The following MYOM1 variants were observed in gnomAD, a reference collection of about 807,000 sequenced individuals.
MYOM1 encodes myomesin-1.
MYOM1 carries 164 observed loss-of-function variants against 205.3 expected under a neutral mutation model. That is an observed-to-expected ratio of 0.80 (90% CI 0.70 to 0.91). The LOEUF is 0.91. Ranked by LOEUF, MYOM1 falls within the 40% of genes least tolerant of loss-of-function variation. MYOM1 has a pLI of 0.00. For missense variants in MYOM1, 2,011 were observed against 2,127.3 expected, an observed-to-expected ratio of 0.95 and a Z score of 1.08; for synonymous variants, 772 against 789.4, an observed-to-expected ratio of 0.98 and a Z score of 0.37.
intron 9 of MYOM1, among the ~76,000 whole-genome samples, chr18:3,165,732 G>A (rs1202487271): frequency 1.3e-5 from 2 of 152,146 alleles, no homozygotes; most frequent in African/African-American, 4.8e-5. Context: ...TGAGTTCTGG[G>A]GAAGGCCAGG....
chr18:3,131,131 A>G (rs976911571), intron 17 of MYOM1, among the ~76,000 whole-genome samples: 2 of 152,218 alleles, frequency 1.3e-5, no homozygotes, highest in Non-Finnish European at 2.9e-5. Context: ...GAAATATCTG[A>G]GGAAACTTGG....
chr18:3,224,820 T>C (rs2081345832), upstream of MYOM1, among the ~76,000 whole-genome samples: 1 of 151,498 alleles, frequency 6.6e-6, no homozygotes, highest in African/African-American at 2.4e-5. Context: ...CCCACCACCA[T>C]GCCCGGCTAA....
intron 19 of MYOM1, among the ~76,000 whole-genome samples, chr18:3,122,173 G>A (rs1311888135): frequency 7.3e-6 from 1 of 137,424 alleles, no homozygotes; most frequent in Non-Finnish European, 1.6e-5. Context: ...TACAAAATAA[G>A]ATATTAGTTT....
intron 37 of MYOM1, 141 bp from the exon 38 acceptor site, chr18:3,067,696 T>C: frequency 1.2e-6 from 1 of 824,788 alleles, no homozygotes; most frequent in East Asian, 2.7e-5. Context: ...AAAGTAGTTC[T>C]GTGTATGCAC....
intron 2 of MYOM1, among the ~76,000 whole-genome samples, chr18:3,198,666 C>T (rs1162096368): frequency 6.6e-6 from 1 of 151,976 alleles, no homozygotes; most frequent in African/African-American, 2.4e-5. Context: ...CGCCTGTAAT[C>T]CCAGCTACTA....
intron 18 of MYOM1, 82 bp from the exon 19 acceptor site, chr18:3,126,979 T>C: frequency 7.1e-6 from 9 of 1,272,958 alleles, no homozygotes; most frequent in South Asian, 1.4e-5. Context: ...GTGCCACATA[T>C]GAGGGCACTA....
chr18:3,075,618 C>G (rs2143643607), intron 35 of MYOM1, 107 bp downstream of exon 35: 29 of 1,433,762 alleles, frequency 2.0e-5, no homozygotes, highest in Non-Finnish European at 2.6e-5. Context: ...TTCTACTGTA[C>G]TTTCTGAAAT....
the MYOM1 span, chr18:3,247,279 G>C: frequency 6.6e-6 from 1 of 152,260 alleles, no homozygotes; most frequent in Admixed American, 6.5e-5. Context: ...ACTGCACACA[G>C]AGCTAGCATC....
chr18:3,119,030 T>TAA (rs772997335), intron 20 of MYOM1, among the ~76,000 whole-genome samples: 9 of 152,180 alleles, frequency 5.9e-5, no homozygotes, highest in African/African-American at 2.2e-4. Context: ...GTTTAAATCT[T>TAA]AACGGCTTAG....
intron 22 of MYOM1, among the ~76,000 whole-genome samples, chr18:3,103,591 T>C (rs932728849): frequency 3.9e-5 from 6 of 152,164 alleles, no homozygotes; most frequent in Non-Finnish European, 8.8e-5. Context: ...AGGAAAAATA[T>C]ATATAAAATA....
At chr18:3,208,751 GA>G (rs1482661371) in intron 2 of MYOM1, among the ~76,000 whole-genome samples, 3 of 151,992 alleles carry the variant, frequency 2.0e-5, no homozygotes, top group Non-Finnish European at 4.4e-5. Flanking sequence ...TTTATTTAGA[GA>G]AGAAGCAATA....
At chr18:3,153,944 T>G (rs553721906) in intron 11 of MYOM1, among the ~76,000 whole-genome samples, 1 of 152,350 alleles carries the variant, frequency 6.6e-6, no homozygotes, top group African/African-American at 2.4e-5. Context: ...CATGTCATAA[T>G]TAATGTGTAA....
chr18:3,120,049 T>C (rs1000031407), intron 19 of MYOM1, 54 bp from the exon 20 acceptor site: 4 of 1,518,394 alleles, frequency 2.6e-6, no homozygotes. Context: ...GTTTTTTTTT[T>C]TCTACTTGTT....
intron 21 of MYOM1, among the ~76,000 whole-genome samples, chr18:3,115,349 G>A (rs777770835): frequency 6.6e-6 from 1 of 152,140 alleles, no homozygotes; most frequent in Non-Finnish European, 1.5e-5. Context: ...TCTCCTGGAG[G>A]ATATATTTAC....
rs764885157 is a variant in MYOM1 at position 3,126,757 on chromosome 18, C to G, written c.2935G>C (p.Val979Leu). 5.6e-6 allele frequency: 9 copies of G among 1,613,858 alleles called. No homozygotes were observed. Among genetic ancestry groups the G allele is most frequent in the Non-Finnish European group, 7.6e-6 (9 of 1,179,842 alleles). Residue 979 changes from valine to leucine, a missense_variant, in exon 19 of 38, where the codon GTA (valine) becomes CTA (leucine). Coordinates refer to ENST00000356443, the MANE Select transcript of MYOM1 (RefSeq NM_003803.4). ...TTGGCTTCTCTCCATTTTCCTGGTA[C>G]CCCATCAATGACCTCGCGATAGTTC... is the stretch of plus-strand genomic sequence containing the variant. ...YVNYREVIDG[V>L]PGKWREANVK...
chr18:3,168,580 C>A (rs1351960708), intron 9 of MYOM1, among the ~76,000 whole-genome samples: 4 of 152,212 alleles, frequency 2.6e-5, no homozygotes, highest in African/African-American at 9.7e-5. Context: ...TGAGCCACCA[C>A]GCCCAGCAGA....
chr18:3,069,024 C>T (rs1020024595), intron 37 of MYOM1, among the ~76,000 whole-genome samples: 20 of 152,168 alleles, frequency 1.3e-4, no homozygotes, highest in Non-Finnish European at 2.5e-4. Context: ...ATCTTCCCAT[C>T]GTGGCCTCCC....
chr18:3,154,439 A>G (rs548177204), intron 11 of MYOM1, among the ~76,000 whole-genome samples: 1 of 152,040 alleles, frequency 6.6e-6, no homozygotes, highest in South Asian at 2.1e-4. Context: ...GAAATGAAAT[A>G]TATATATATG....
At chr18:3,139,511 G>A (rs956633663) in intron 14 of MYOM1, among the ~76,000 whole-genome samples, 1 of 152,214 alleles carries the variant, frequency 6.6e-6, no homozygotes, top group African/African-American at 2.4e-5. Context: ...CATGCTGGGT[G>A]CAGGGCATCC....
Sources: gnomAD v4.1 joint callset for allele counts (sites outside exome capture counted in the v4.1 genomes callset) on GRCh38, gnomAD v4.1.1 for gene constraint, MANE v1.5 for transcripts, NCBI Gene and HGNC (gene_info 2026-07-23, HGNC 2026-07-21) for gene names.